The following TG variants were observed in gnomAD, a reference collection of about 807,000 sequenced individuals.
TG encodes thyroid hormones.
In TG, 270 loss-of-function variants were observed where a neutral mutation model predicts 324.7. The observed-to-expected ratio is 0.83, with a 90% CI of 0.75 to 0.92. TG has a LOEUF of 0.92. Ranked by LOEUF, TG falls within the 40% of genes least tolerant of loss-of-function variation. TG has a pLI of 0.00. For missense variants in TG, 3,591 were observed against 3,456.4 expected (o/e 1.04, Z -0.98); for synonymous variants, 1,401 against 1,327.0 (o/e 1.06, Z -1.21).
At chr8:132,995,196 G>GC (rs1832754917) in intron 35 of TG, 2 of 955,390 alleles carry the variant, frequency 2.1e-6, no homozygotes, top group African/African-American at 3.6e-5. Context: ...ACTGCTCTAA[G>GC]CCCCAGTTTC....
At chr8:132,994,061 T>C (rs1301006997) in intron 35 of TG, among the ~76,000 whole-genome samples, 1 of 152,142 alleles carries the variant, frequency 6.6e-6, no homozygotes, top group African/African-American at 2.4e-5. Flanking sequence ...CTGCCCACTC[T>C]GGGTAACTCC....
chr8:132,911,239 A>G, intron 18 of TG, 138 bp from the exon 19 acceptor site: 1 of 1,464,538 alleles, frequency 6.8e-7, no homozygotes, highest in East Asian at 2.3e-5. Context: ...GGGGGTCACT[A>G]TTCCTTGACC....
At chr8:132,988,973 A>G (rs1282781319) in intron 35 of TG, 3 of 875,272 alleles carry the variant, frequency 3.4e-6, no homozygotes, top group African/African-American at 3.6e-5. Flanking sequence ...AAGAGGTTTA[A>G]TTGGACTCAC....
chr8:133,116,506 GT>G, intron 44 of TG, 102 bp from the exon 45 acceptor site: 1 of 975,490 alleles, frequency 1.0e-6, no homozygotes, highest in East Asian at 2.4e-5. Flanking sequence ...GCAGGGGTGG[GT>G]TGGGGGCCCA....
intron 8 of TG, among the ~76,000 whole-genome samples, chr8:132,885,332 G>A (rs1483365427): frequency 2.6e-5 from 4 of 152,104 alleles, no homozygotes; most frequent in African/African-American, 7.2e-5. Context: ...GCTGATCACT[G>A]TTAAATTAGT....
chr8:133,115,150 G>A (rs1399419739), intron 44 of TG, among the ~76,000 whole-genome samples: 2 of 152,118 alleles, frequency 1.3e-5, no homozygotes, highest in Non-Finnish European at 2.9e-5. Flanking sequence ...CCTTAATTTT[G>A]CCTTATCTGA....
At chr8:132,913,017 G>T (rs1312043221) in intron 19 of TG, 30 bp from the exon 20 acceptor site, 1 of 1,608,242 alleles carries the variant, frequency 6.2e-7, no homozygotes, top group Non-Finnish European at 8.5e-7. Context: ...TACAGTGGGG[G>T]TGACCTCTAC....
chr8:132,887,324 T>TCAG lies in TG; in HGVS notation c.1953_1955dup (p.Val651_Arg652insSer), dbSNP rs1563910980. 1 of 1,609,902 alleles carries TCAG rather than the reference T, an allele frequency of 6.2e-7. No homozygotes were observed. The highest frequency in any genetic ancestry group is 1.1e-5 in the South Asian group (1 of 90,932). ...GGCAAAGAGCTTCCAGGCTCAAGAGTCAGAGGTGGACAGCCAAGGTGCCCC... is the reference window on the plus strand; with the variant it reads ...GGCAAAGAGCTTCCAGGCTCAAGAGTCAGCAGAGGTGGACAGCCAAGGTGCCCC... On this transcript the variant is annotated inframe_insertion, in exon 9 of 48. Transcript: ENST00000220616.
intron 39 of TG, among the ~76,000 whole-genome samples, chr8:133,021,539 C>A (rs1835564670): frequency 6.6e-6 from 1 of 152,240 alleles, no homozygotes; most frequent in East Asian, 1.9e-4. Context: ...TAACAAAGCA[C>A]TGCAAGCTGT....
rs16904776 is a variant in TG, at chr8:132,888,901, T to G, written c.2761+333T>G. 9.1e-3 allele frequency among the ~76,000 whole-genome samples: 1,386 copies of G among 152,344 alleles called. 38 individuals are homozygous for G. The highest frequency in any genetic ancestry group is 0.087 in the East Asian group (451 of 5,186). On this transcript the variant is annotated intron_variant, in intron 10 of 47. Coordinates refer to ENST00000220616, the MANE Select transcript of TG (RefSeq NM_003235.5). ...GAAGGCTATAAAAGTGGAGATGACC[T>G]GGCCCTCGTCCTCCTATGGTTAATG...
At chr8:133,123,388 T>C (rs779552609) in intron 45 of TG, among the ~76,000 whole-genome samples, 6 of 152,060 alleles carry the variant, frequency 3.9e-5, no homozygotes, top group Non-Finnish European at 7.4e-5. Context: ...CAGGTTCACA[T>C]GCAGAGGGGC....
chr8:132,922,332 A>G (rs1301662535), intron 21 of TG, among the ~76,000 whole-genome samples: 2 of 151,116 alleles, frequency 1.3e-5, no homozygotes, highest in African/African-American at 2.5e-5. Flanking sequence ...ACTAGCATTT[A>G]TTGATTTTGG....
Position 133,134,658 on chromosome 8 carries a change from C to G in TG, c.8189-18C>G, listed in dbSNP as rs1184914652. On this transcript the variant is annotated intron_variant, in intron 47 of 47. Transcript: ENST00000220616. ...CCTAATCTGGCTTGGACCAACCTTC[C>G]TTGCCCCTCTGTTTCAGATGGAGCC... 8 of 1,611,212 alleles carry G rather than the reference C, an allele frequency of 5.0e-6. No individual in the cohort carries two copies. The highest frequency in any genetic ancestry group is 6.8e-6 in the Non-Finnish European group (8 of 1,177,584).
chr8:132,921,324 A>C (rs1019515181), intron 21 of TG, among the ~76,000 whole-genome samples: 2 of 152,328 alleles, frequency 1.3e-5, no homozygotes, highest in African/African-American at 4.8e-5. Flanking sequence ...CATTGATTGC[A>C]TTTTCATGCA....
chr8:133,085,724 A>G (rs1280507799), intron 41 of TG, among the ~76,000 whole-genome samples: 1 of 152,246 alleles, frequency 6.6e-6, no homozygotes, highest in Admixed American at 6.5e-5. Flanking sequence ...GATTGTAAGC[A>G]TTACTGAAGA....
rs755777744 is a variant in TG, at chr8:132,868,120, C to A, written c.73C>A (p.Gln25Lys). 6.2e-7 allele frequency: 1 copy of A among 1,614,006 alleles called. No individual in the cohort carries two copies. The highest frequency in any genetic ancestry group is 8.5e-7 in the Non-Finnish European group (1 of 1,180,016). Reference sequence around the variant, plus strand: ...AACCACTTTTCTTTTCCTAGAGTACCAGGTGGATGCCCAGCCCCTTCGTCC... The same window carrying A: ...AACCACTTTTCTTTTCCTAGAGTACAAGGTGGATGCCCAGCCCCTTCGTCC... Reference protein sequence around the residue: ...CWVSANIFEYQVDAQPLRPCE... With the variant: ...CWVSANIFEYKVDAQPLRPCE... Residue 25 changes from glutamine (Q) to lysine (K), a missense_variant, in exon 2 of 48, where the codon CAG becomes AAG. Physicochemically the swap from Gln to Lys is moderately conservative, Grantham distance 53. Coordinates refer to ENST00000220616, the MANE Select transcript of TG (RefSeq NM_003235.5).
At chr8:132,952,269 G>A (rs1275244181) in intron 27 of TG, among the ~76,000 whole-genome samples, 11 of 152,216 alleles carry the variant, frequency 7.2e-5, no homozygotes, top group Admixed American at 2.0e-4. Context: ...CAGCAGGCTA[G>A]CGGTGGACAC....
chr8:132,992,498 T>C (rs1002595795), intron 35 of TG, among the ~76,000 whole-genome samples: 1 of 152,230 alleles, frequency 6.6e-6, no homozygotes, highest in African/African-American at 2.4e-5. Flanking sequence ...ACCCACCTAA[T>C]AGGAAGAAGA....
intron 29 of TG, among the ~76,000 whole-genome samples, chr8:132,965,723 TGGTGGAGGAA>T (rs1172082968): frequency 6.6e-6 from 1 of 151,882 alleles, no homozygotes; most frequent in Middle Eastern, 3.2e-3. Context: ...ACTAGCTGGG[TGGTGGAGGAA>T]GGTGTAATGG....
Sources: allele counts gnomAD v4.1 joint callset (sites outside exome capture counted in the v4.1 genomes callset), GRCh38; gene constraint gnomAD v4.1.1; transcripts MANE v1.5; gene names NCBI Gene and HGNC (gene_info 2026-07-23, HGNC 2026-07-21).